Variants in SLC30A6 observed in about 807,000 individuals in gnomAD.
SLC30A6 encodes zinc transporter 6.
A neutral mutation model predicts 63.0 loss-of-function variants in SLC30A6; 55 were observed. That is an observed-to-expected ratio of 0.87 (90% CI 0.70 to 1.09). The LOEUF is 1.09. Among genes scored for constraint, SLC30A6 ranks in the 50% least tolerant of loss-of-function variants. The pLI, the probability that SLC30A6 is intolerant of heterozygous loss-of-function variation, is 0.00. For missense variants in SLC30A6, 587 were observed against 549.2 expected (o/e 1.07, Z -0.69); for synonymous variants, 224 against 186.1 (o/e 1.20, Z -1.66).
rs181415106 is a variant in SLC30A6, at chr2:32,167,887, T to G, written c.3+1984T>G. Among the ~76,000 whole-genome samples, 220 of 152,368 alleles carry G rather than the reference T, an allele frequency of 1.4e-3. No homozygotes were observed. In the South Asian group the frequency reaches 0.016, roughly 11 times the overall value. ...TCTCTTGTGTTTTTTACCAGTAACA[T>G]CTGTAATCCTTACAGACGATGTTAA... is the stretch of plus-strand genomic sequence containing the variant. On this transcript the variant is annotated intron_variant, in intron 1 of 13. Coordinates refer to ENST00000282587, the MANE Select transcript of SLC30A6 (RefSeq NM_017964.5).
intron 1 of SLC30A6, among the ~76,000 whole-genome samples, chr2:32,170,796 G>A (rs1294687999): frequency 6.6e-6 from 1 of 152,080 alleles, no homozygotes; most frequent in Admixed American, 6.6e-5. Context: ...ACAGGGTTTT[G>A]CCATGTTGGC....
chr2:32,203,185 A>T, intron 10 of SLC30A6: 3 of 1,208,412 alleles, frequency 2.5e-6, no homozygotes, highest in Non-Finnish European at 2.5e-6. Context: ...CTGGTGATTC[A>T]TGGTTCTCCT....
chr2:32,192,485 A>G, intron 6 of SLC30A6, 69 bp downstream of exon 6: 1 of 1,373,166 alleles, frequency 7.3e-7, no homozygotes. Flanking sequence ...GAAACCCGTC[A>G]GACACATTTG....
At chr2:32,179,795 C>T (rs1289593016) in intron 4 of SLC30A6, among the ~76,000 whole-genome samples, 6 of 151,882 alleles carry the variant, frequency 4.0e-5, no homozygotes, top group Non-Finnish European at 8.8e-5. Flanking sequence ...CTTGTATTTG[C>T]GTAAATATAC....
intron 13 of SLC30A6, among the ~76,000 whole-genome samples, chr2:32,213,485 A>G (rs546366266): frequency 1.3e-5 from 2 of 152,064 alleles, no homozygotes; most frequent in South Asian, 2.1e-4. Context: ...AAGTCTTGTT[A>G]GCCGCTTTGG....
chr2:32,220,134 A>T, intron 13 of SLC30A6, 79 bp from the exon 14 acceptor site: 8 of 1,466,308 alleles, frequency 5.5e-6, no homozygotes, highest in Non-Finnish European at 6.4e-6. Context: ...ACCAAATCAT[A>T]AATAAAATGT....
intron 13 of SLC30A6, among the ~76,000 whole-genome samples, chr2:32,210,395 A>T (rs1220529978): frequency 6.6e-6 from 1 of 151,482 alleles, no homozygotes; most frequent in East Asian, 2.0e-4. Flanking sequence ...CACGCCTGTA[A>T]TTCCAGTTAC....
intron 10 of SLC30A6, chr2:32,203,462 G>T: frequency 6.3e-7 from 1 of 1,577,234 alleles, no homozygotes; most frequent in Non-Finnish European, 8.7e-7. Context: ...ACTGACAGAA[G>T]AGAAAGGGGC....
intron 3 of SLC30A6, among the ~76,000 whole-genome samples, 169 bp downstream of exon 3, chr2:32,174,316 CATTT>C (rs1045197820): frequency 2.0e-5 from 3 of 151,878 alleles, no homozygotes; most frequent in Non-Finnish European, 2.9e-5. Flanking sequence ...AACTTTTGTT[CATTT>C]GTTAGGATTG....
intron 1 of SLC30A6, among the ~76,000 whole-genome samples, chr2:32,169,048 G>C (rs1216088276): frequency 6.6e-6 from 1 of 151,976 alleles, no homozygotes; most frequent in Admixed American, 6.6e-5. Context: ...CAAAATAACA[G>C]TATTAAGGAG....
At chr2:32,204,032 G>C (rs1470706247) in intron 10 of SLC30A6, 1 of 627,890 alleles carries the variant, frequency 1.6e-6, no homozygotes, top group African/African-American at 1.8e-5. Context: ...GTATGAGGTT[G>C]CCTATTTCTG....
rs2148921360 is a variant in SLC30A6 at position 32,221,050 on chromosome 2, G to A, written c.*337G>A. ...TGGAGTAGATCTGTCACATTACTAA[G>A]ATACGATATTTCTTTTTTTTTCCGA... On this transcript the variant is annotated 3_prime_UTR_variant, in exon 14 of 14. Coordinates refer to ENST00000282587, the MANE Select transcript of SLC30A6 (RefSeq NM_017964.5). The A allele has an allele frequency of 4.4e-6, 1 of 224,748 alleles. No homozygotes were observed. Among genetic ancestry groups the A allele is most frequent in the Middle Eastern group, 1.8e-3 (1 of 560 alleles). 13.9% of individuals were successfully genotyped at this position (224,748 alleles called of 1,614,324 possible). A position where few individuals can be genotyped will look rare whatever the true frequency, so the allele number is the denominator to read the frequency against.
chr2:32,169,152 T>G (rs1353268834), intron 1 of SLC30A6, among the ~76,000 whole-genome samples: 1 of 152,040 alleles, frequency 6.6e-6, no homozygotes, highest in East Asian at 1.9e-4. Flanking sequence ...ATATAATATT[T>G]ATACATATGT....
At chr2:32,211,389 T>C (rs934451975) in intron 13 of SLC30A6, among the ~76,000 whole-genome samples, 1 of 150,312 alleles carries the variant, frequency 6.7e-6, no homozygotes, top group African/African-American at 2.5e-5. Context: ...TACACATTTG[T>C]TTCAAGTTTC....
chr2:32,197,721 T>C lies in SLC30A6; in HGVS notation c.560T>C (p.Ile187Thr). 6.2e-7 allele frequency: 1 copy of C among 1,614,130 alleles called. No individual in the cohort carries two copies. Among genetic ancestry groups the C allele is most frequent in the Non-Finnish European group, 8.5e-7 (1 of 1,180,000 alleles). ...ADLSRSLCGI[I>T]PGLSSIFLPR... is the part of the protein sequence containing the mutation. ...TTTTTTCTTAGCTTGTGTGGAATTA[T>C]TCCGGGACTTAGCAGTATCTTCCTT... Residue 187 changes from isoleucine (I) to threonine (T), a missense_variant, in exon 10 of 14, where the codon ATT becomes ACT. Coordinates refer to ENST00000282587, the MANE Select transcript of SLC30A6 (RefSeq NM_017964.5).
chr2:32,170,353 A>G (rs148889921), intron 1 of SLC30A6, among the ~76,000 whole-genome samples: 170 of 152,278 alleles, frequency 1.1e-3, no homozygotes, highest in African/African-American at 3.8e-3. Context: ...TGCTTTTCTC[A>G]TAAGTTAATT....
At chr2:32,168,067 T>C (rs765907262) in intron 1 of SLC30A6, among the ~76,000 whole-genome samples, 1 of 152,360 alleles carries the variant, frequency 6.6e-6, no homozygotes, top group East Asian at 1.9e-4. Flanking sequence ...TGAAAACTTA[T>C]GGCACTATAT....
At chr2:32,188,277 GTGAC>G in intron 5 of SLC30A6, among the ~76,000 whole-genome samples, 1 of 152,272 alleles carries the variant, frequency 6.6e-6, no homozygotes, top group Middle Eastern at 3.4e-3. Context: ...TTTCCATTAA[GTGAC>G]TGAATGGCCC....
At chr2:32,173,563 G>C (rs752315113) in intron 2 of SLC30A6, among the ~76,000 whole-genome samples, 5 of 151,892 alleles carry the variant, frequency 3.3e-5, no homozygotes, top group Non-Finnish European at 5.9e-5. Flanking sequence ...GTAGAGACGG[G>C]GTTTCACCAT....
Sources: gnomAD v4.1 joint callset for allele counts (sites outside exome capture counted in the v4.1 genomes callset) on GRCh38, gnomAD v4.1.1 for gene constraint, MANE v1.5 for transcripts, NCBI Gene and HGNC (gene_info 2026-07-23, HGNC 2026-07-21) for gene names.